CCND3: variants seen among roughly 807,000 people sequenced by gnomAD.
CCND3 encodes G1/S-specific cyclin-D3.
A neutral mutation model predicts 28.7 loss-of-function variants in CCND3; 9 were observed. That is an observed-to-expected ratio of 0.31 (90% CI 0.19 to 0.55). The LOEUF (loss-of-function observed/expected upper bound fraction) is 0.55, where lower values mean the gene tolerates loss of function less well. Ranked by LOEUF, CCND3 falls within the 20% of genes least tolerant of loss-of-function variation. CCND3 has a pLI of 0.93. For synonymous variants in CCND3, 164 were observed against 163.9 expected (o/e 1.00, Z 0.00); for missense variants, 315 against 385.8 (o/e 0.82, Z 1.54).
At chr6:41,976,822 G>A (rs943507168) in intron 1 of CCND3, among the ~76,000 whole-genome samples, 4 of 152,090 alleles carry the variant, frequency 2.6e-5, no homozygotes, top group African/African-American at 7.2e-5. Flanking sequence ...CCTCAATGAC[G>A]CCTCCTGGCC....
chr6:41,941,708 C>T lies in CCND3; in HGVS notation c.-59G>A. 8.2e-7 allele frequency: 1 copy of T among 1,215,926 alleles called. No individual in the cohort carries two copies. The highest frequency in any genetic ancestry group is 1.6e-5 in the African/African-American group (1 of 63,288). The allele number at this position is 1,215,926 out of a possible 1,614,324, so 75.3% of individuals were successfully genotyped here. On this transcript the variant is annotated 5_prime_UTR_variant, in exon 1 of 5. Transcript: ENST00000372991. The surrounding 1 kb of genome is among the most constrained non-coding windows in gnomAD (Gnocchi z 6.1). ...GGCTCGCGAGTCCCAAGGCAGGCGA[C>T]GGGCCGGAGAGCGCGGGGCGCGGGT... is the stretch of plus-strand genomic sequence containing the variant.
At chr6:41,997,307 T>G (rs1310586318) in intron 1 of CCND3, among the ~76,000 whole-genome samples, 2 of 152,164 alleles carry the variant, frequency 1.3e-5, no homozygotes, top group African/African-American at 4.8e-5. Context: ...TCAGAGGAAT[T>G]AGCTTATCAG....
chr6:42,034,526 G>T (rs1288360667), intron 1 of CCND3, among the ~76,000 whole-genome samples: 1 of 121,238 alleles, frequency 8.2e-6, no homozygotes. Flanking sequence ...TTGCCAGGCT[G>T]GAGTGCAGTG....
At chr6:42,034,468 CTTTTTTTTTTTTTTTT>C (rs34822771) in intron 1 of CCND3, among the ~76,000 whole-genome samples, 2 of 50,978 alleles carry the variant, frequency 3.9e-5, no homozygotes, top group South Asian at 2.0e-3. Flanking sequence ...CCCTGTCACT[CTTTTTTTTTTTTTTTT>C]TTTTTTTTTT....
At chr6:42,033,745 A>T (rs1316949564) in intron 1 of CCND3, among the ~76,000 whole-genome samples, 1 of 151,662 alleles carries the variant, frequency 6.6e-6, no homozygotes, top group African/African-American at 2.4e-5. Context: ...GCTACTTGGG[A>T]GGCTGAGGCA....
chr6:41,959,679 T>TCCGTCTCAA (rs772818142), intron 1 of CCND3, among the ~76,000 whole-genome samples: 29 of 147,182 alleles, frequency 2.0e-4, no homozygotes, highest in African/African-American at 4.1e-4. Flanking sequence ...ACAGCAAGAC[T>TCCGTCTCAA]AAATCAGGCC....
intron 1 of CCND3, among the ~76,000 whole-genome samples, chr6:41,988,924 C>T (rs1257583661): frequency 6.6e-6 from 1 of 151,540 alleles, no homozygotes; most frequent in Non-Finnish European, 1.5e-5. Context: ...TGGTCTCGAT[C>T]TCCTGACCTC....
Position 41,971,637 on chromosome 6 carries a change from GTT to G in CCND3, c.-45-31054_-45-31053del, listed in dbSNP as rs564132372. Among the ~76,000 whole-genome samples, 421 of 151,704 alleles carry G rather than the reference GTT, an allele frequency of 2.8e-3. 3 individuals carry two copies. Among genetic ancestry groups the G allele is most frequent in the African/African-American group, 9.7e-3 (400 of 41,410 alleles). On this transcript the variant is annotated intron_variant, in intron 1 of 4. Transcript: ENST00000372988. ...GCTCACTGCAACCTCCACCTCCCAG[GTT>G]CAAGCAATTCTCCTGCCTCAGCCTC...
intron 1 of CCND3, among the ~76,000 whole-genome samples, chr6:42,020,236 C>G (rs945774486): frequency 6.6e-6 from 1 of 151,948 alleles, no homozygotes; most frequent in Admixed American, 6.6e-5. Flanking sequence ...GAGCAGAGAT[C>G]GTGCCACTGC....
chr6:41,985,548 TAG>T (rs1762462045), intron 1 of CCND3, among the ~76,000 whole-genome samples: 1 of 151,040 alleles, frequency 6.6e-6, no homozygotes, highest in African/African-American at 2.4e-5. Flanking sequence ...CTCCTGACCT[TAG>T]GTAATCCACC....
chr6:41,981,332 G>A (rs1458991771), intron 1 of CCND3, among the ~76,000 whole-genome samples: 1 of 151,776 alleles, frequency 6.6e-6, no homozygotes, highest in Non-Finnish European at 1.5e-5. Flanking sequence ...AGCCTCCTGA[G>A]TAGCTGGGAT....
chr6:41,964,237 AAGAC>A (rs1458507501), intron 1 of CCND3, among the ~76,000 whole-genome samples: 5 of 152,144 alleles, frequency 3.3e-5, no homozygotes, highest in Non-Finnish European at 7.3e-5. Context: ...TCTTGTTGGA[AAGAC>A]AGAAGCTTCA....
chr6:41,984,013 T>C (rs1190631702), intron 1 of CCND3, among the ~76,000 whole-genome samples: 2 of 152,204 alleles, frequency 1.3e-5, no homozygotes, highest in Non-Finnish European at 2.9e-5. Flanking sequence ...GAGTTTGACT[T>C]TTTAAAATTT....
intron 1 of CCND3, among the ~76,000 whole-genome samples, chr6:42,012,585 A>T (rs1763374559): frequency 6.6e-6 from 1 of 152,146 alleles, no homozygotes; most frequent in Non-Finnish European, 1.5e-5. Flanking sequence ...TGGGAGACAG[A>T]GTGAGACTCC....
chr6:42,039,492 C>T (rs1764309046), intron 1 of CCND3, among the ~76,000 whole-genome samples: 1 of 152,136 alleles, frequency 6.6e-6, no homozygotes, highest in South Asian at 2.1e-4. Flanking sequence ...CACTTGAAGG[C>T]CAAGGTGAGA....
intron 1 of CCND3, among the ~76,000 whole-genome samples, chr6:42,023,573 G>A (rs1486906900): frequency 2.0e-5 from 3 of 152,120 alleles, no homozygotes; most frequent in African/African-American, 7.2e-5. Flanking sequence ...TTTGGTGTTC[G>A]TGGTGACTGT....
At chr6:42,006,767 G>A (rs1199950209) in intron 1 of CCND3, among the ~76,000 whole-genome samples, 2 of 151,948 alleles carry the variant, frequency 1.3e-5, no homozygotes, top group Non-Finnish European at 2.9e-5. Flanking sequence ...AATTAGCTGG[G>A]CGTGGTGGCG....
chr6:41,967,693 A>T (rs1280729999), intron 1 of CCND3, among the ~76,000 whole-genome samples: 1 of 152,210 alleles, frequency 6.6e-6, no homozygotes, highest in Non-Finnish European at 1.5e-5. Context: ...ACACTGAGGC[A>T]ATTTTTAGCT....
chr6:42,009,545 G>A (rs1206128952), intron 1 of CCND3, among the ~76,000 whole-genome samples: 1 of 152,232 alleles, frequency 6.6e-6, no homozygotes, highest in South Asian at 2.1e-4. Context: ...CTGGGAGGCG[G>A]AGGTTGCAGT....
Sources: allele counts gnomAD v4.1 joint callset (sites outside exome capture counted in the v4.1 genomes callset), GRCh38; gene constraint gnomAD v4.1.1; non-coding constraint Gnocchi (gnomAD v3.1); transcripts MANE v1.5; gene names NCBI Gene and HGNC (gene_info 2026-07-23, HGNC 2026-07-21).